The following CNGA3 variants were observed in gnomAD, a reference collection of about 807,000 sequenced individuals.
CNGA3 encodes the protein cyclic nucleotide-gated channel alpha-3.
A neutral mutation model predicts 46.6 loss-of-function variants in CNGA3; 42 were observed. The observed-to-expected ratio is 0.90, with a 90% CI of 0.70 to 1.17. The LOEUF (loss-of-function observed/expected upper bound fraction) is 1.17. Among genes scored for constraint, CNGA3 ranks in the 50% most tolerant of loss-of-function variants. The probability of loss-of-function intolerance (pLI) is 0.00; values close to 1 mark genes in which losing one functional copy is unlikely to be tolerated. For synonymous variants in CNGA3, 394 were observed against 369.4 expected (o/e 1.07, Z -0.76); for missense variants, 893 against 890.7 (o/e 1.00, Z -0.03).
At chr2:98,372,363 G>T (rs1382378417) in intron 2 of CNGA3, among the ~76,000 whole-genome samples, 1 of 152,210 alleles carries the variant, frequency 6.6e-6, no homozygotes, top group African/African-American at 2.4e-5. Flanking sequence ...CAGACTCTCT[G>T]CAGGCTCACT....
At chr2:98,348,994 G>A (rs1691711010) in intron 1 of CNGA3, among the ~76,000 whole-genome samples, 2 of 152,200 alleles carry the variant, frequency 1.3e-5, no homozygotes, top group South Asian at 4.1e-4. Context: ...TGGCCAGCAA[G>A]AGAGGAAAAT....
intron 2 of CNGA3, among the ~76,000 whole-genome samples, chr2:98,375,893 T>C (rs1370725865): frequency 6.6e-6 from 1 of 152,188 alleles, no homozygotes; most frequent in East Asian, 1.9e-4. Flanking sequence ...TTGCTTAACC[T>C]TTCTGAACTC....
At chr2:98,391,068 G>C (rs561376447) in intron 6 of CNGA3, among the ~76,000 whole-genome samples, 1 of 152,304 alleles carries the variant, frequency 6.6e-6, no homozygotes, top group Admixed American at 6.5e-5. Flanking sequence ...TGCTCTGAGA[G>C]GCTAGTTGAT....
chr2:98,349,793 G>A (rs1691734488), intron 1 of CNGA3, among the ~76,000 whole-genome samples: 1 of 152,196 alleles, frequency 6.6e-6, no homozygotes, highest in Non-Finnish European at 1.5e-5. Context: ...GGATGGAGGA[G>A]AGAGATAGCT....
At chr2:98,353,843 G>A (rs959165183) in intron 1 of CNGA3, among the ~76,000 whole-genome samples, 2 of 152,188 alleles carry the variant, frequency 1.3e-5, no homozygotes, top group Non-Finnish European at 2.9e-5. Context: ...CTGAGGGGGA[G>A]CATGCACATC....
Position 98,383,312 on chromosome 2 carries a change from G to T in CNGA3, c.396-76G>T, listed in dbSNP as rs969338478. The T allele has an allele frequency of 3.9e-5, 54 of 1,376,390 alleles. No homozygotes were observed. The Admixed American group carries it at 4.9e-4, about 12-fold the overall frequency. 85.3% of individuals were successfully genotyped at this position (1,376,390 alleles called of 1,614,324 possible). On this transcript the variant is annotated intron_variant, in intron 4 of 7. Coordinates refer to ENST00000272602, the MANE Select transcript of CNGA3 (RefSeq NM_001298.3). The stretch of plus-strand genomic sequence containing the variant: ...GATAGGGATTGGGGGGTGGGGCATG[G>T]TAATCCCCTGGTGAAATGGCCCCAA...
chr2:98,372,947 C>T (rs748771352), intron 2 of CNGA3, among the ~76,000 whole-genome samples: 8 of 152,204 alleles, frequency 5.3e-5, no homozygotes, highest in Non-Finnish European at 1.0e-4. Context: ...CAGATTAATA[C>T]AGTATCCCGT....
intron 1 of CNGA3, among the ~76,000 whole-genome samples, chr2:98,348,117 G>C (rs1006269931): frequency 6.6e-6 from 1 of 152,188 alleles, no homozygotes; most frequent in Non-Finnish European, 1.5e-5. Flanking sequence ...CGTTCTTTGG[G>C]GTAGGGGGAA....
intron 2 of CNGA3, among the ~76,000 whole-genome samples, chr2:98,370,416 G>A (rs1415910134): frequency 1.3e-5 from 2 of 152,238 alleles, no homozygotes; most frequent in Non-Finnish European, 2.9e-5. Flanking sequence ...CATCAAAAAT[G>A]TGTTGGACTC....
chr2:98,387,206 A>C (rs1278441501), intron 5 of CNGA3, among the ~76,000 whole-genome samples: 1 of 152,236 alleles, frequency 6.6e-6, no homozygotes, highest in African/African-American at 2.4e-5. Context: ...ATGAGCCTGC[A>C]TGGTCGTGTG....
chr2:98,361,190 T>C (rs1209947427), intron 1 of CNGA3, among the ~76,000 whole-genome samples: 2 of 152,122 alleles, frequency 1.3e-5, no homozygotes, highest in African/African-American at 2.4e-5. Context: ...CTGCCACCCC[T>C]GGAGAGGCCC....
At position 98,391,970 on chromosome 2, in the gene CNGA3, G is replaced by A. The variant is rs768061703; in HGVS notation, c.673G>A (p.Gly225Ser). The change falls in exon 7 of 8, where the codon GGT becomes AGT. Residue 225 changes from glycine (G) to serine (S), a missense_variant and splice_region_variant. Around this residue, in one of 3 missense-constraint regions of CNGA3, gnomAD observed 333 missense variants for 290.8 expected, o/e 1.15. Coordinates refer to ENST00000272602, the MANE Select transcript of CNGA3 (RefSeq NM_001298.3). ...GGATGTGCTTGTACGAGCTCGGACA[G>A]GTGAGTGTGCCCCAGGCCTGGGGAG... ...VLDVLVRARTGFLEQGLMVSD... is the reference protein window; with the variant it reads ...VLDVLVRARTSFLEQGLMVSD... The A allele has an allele frequency of 8.1e-6, 13 of 1,613,310 alleles. No homozygotes were observed. The highest frequency in any genetic ancestry group is 1.3e-5 in the African/African-American group (1 of 74,942).
chr2:98,359,213 G>T (rs1448700272), intron 1 of CNGA3, among the ~76,000 whole-genome samples: 1 of 152,184 alleles, frequency 6.6e-6, no homozygotes, highest in Non-Finnish European at 1.5e-5. Flanking sequence ...ATTCCCTCAG[G>T]CTCCTGCTTC....
chr2:98,379,202 T>C (rs1417986334), intron 3 of CNGA3, among the ~76,000 whole-genome samples: 1 of 152,240 alleles, frequency 6.6e-6, no homozygotes, highest in Non-Finnish European at 1.5e-5. Context: ...AGCATCTGCC[T>C]ACAGAGATAT....
chr2:98,351,647 G>A (rs1691772948), intron 1 of CNGA3, among the ~76,000 whole-genome samples: 1 of 152,130 alleles, frequency 6.6e-6, no homozygotes, highest in Non-Finnish European at 1.5e-5. Context: ...TAAGGTTATT[G>A]AAAAGATAAA....
chr2:98,392,485 C>A (rs747695633), intron 7 of CNGA3, among the ~76,000 whole-genome samples: 2 of 151,576 alleles, frequency 1.3e-5, no homozygotes, highest in African/African-American at 4.9e-5. Context: ...GCTTGAACCC[C>A]GGGAGGTGGA....
intron 1 of CNGA3, among the ~76,000 whole-genome samples, chr2:98,357,690 T>C (rs1319139077): frequency 6.6e-6 from 1 of 152,176 alleles, no homozygotes; most frequent in Non-Finnish European, 1.5e-5. Context: ...AGTCATGTTG[T>C]AAAGAAAATG....
At chr2:98,351,672 G>A (rs1272648882) in intron 1 of CNGA3, among the ~76,000 whole-genome samples, 12 of 152,102 alleles carry the variant, frequency 7.9e-5, no homozygotes, top group Non-Finnish European at 1.6e-4. Flanking sequence ...GTTGATACAC[G>A]TAAAAAGTTA....
At chr2:98,390,054 G>T (rs1423968810) in intron 6 of CNGA3, among the ~76,000 whole-genome samples, 1 of 152,188 alleles carries the variant, frequency 6.6e-6, no homozygotes. Context: ...AGGATGCAGG[G>T]GCGGTTGCTT....
Sources: allele counts gnomAD v4.1 joint callset (sites outside exome capture counted in the v4.1 genomes callset), GRCh38; gene constraint gnomAD v4.1.1; regional missense constraint gnomAD v4.1.1; transcripts MANE v1.5; gene names NCBI Gene and HGNC (gene_info 2026-07-23, HGNC 2026-07-21).